Variants in CRACD observed in about 807,000 individuals in gnomAD.
CRACD encodes capping protein inhibiting regulator of actin dynamics.
Under a neutral mutation model 106.8 loss-of-function variants are expected in CRACD, and 56 were observed. The observed-to-expected ratio is 0.52, with a 90% CI of 0.42 to 0.66. The LOEUF (loss-of-function observed/expected upper bound fraction) is 0.66. CRACD is among the 30% of genes least tolerant of loss of function. CRACD has a pLI of 0.00. For missense variants in CRACD, 1,730 were observed against 1,623.2 expected, an observed-to-expected ratio of 1.07 and a Z score of -1.13; for synonymous variants, 754 against 670.8, an observed-to-expected ratio of 1.12 and a Z score of -1.92.
In CRACD at chr4:56,313,191, C is replaced by T. The variant is rs1745267549; in HGVS notation, c.355-6C>T. On this transcript the variant is annotated splice_polypyrimidine_tract_variant and splice_region_variant and intron_variant, in intron 6 of 10. Transcript: ENST00000682029. ...AACTGACTTTCTATTTTAATCTCCC[C>T]TACAGGTTGCTCCCGTTAAACCGTC... The T allele has an allele frequency of 6.2e-7, 1 of 1,613,378 alleles. No individual in the cohort carries two copies. The highest frequency in any genetic ancestry group is 1.1e-5 in the South Asian group (1 of 91,030).
chr4:56,194,826 A>G (rs1397092410), intron 2 of CRACD, among the ~76,000 whole-genome samples: 1 of 152,218 alleles, frequency 6.6e-6, no homozygotes, highest in African/African-American at 2.4e-5. Context: ...CCAAATGGAC[A>G]GGGACACCTG....
chr4:56,291,754 T>C (rs781611585), intron 3 of CRACD, among the ~76,000 whole-genome samples: 11 of 152,234 alleles, frequency 7.2e-5, no homozygotes, highest in African/African-American at 2.7e-4. Context: ...AAGGAGATAA[T>C]TGGTGCCATG....
chr4:56,307,433 C>A, intron 4 of CRACD, 102 bp from the exon 5 acceptor site: 1 of 1,087,370 alleles, frequency 9.2e-7, no homozygotes, highest in Non-Finnish European at 1.3e-6. Flanking sequence ...CAGTTGTGCA[C>A]AAGGTATGCC....
chr4:56,153,655 A>G (rs1735665378), intron 1 of CRACD, among the ~76,000 whole-genome samples: 1 of 152,184 alleles, frequency 6.6e-6, no homozygotes, highest in African/African-American at 2.4e-5. Context: ...AATGCCTTGT[A>G]ATTCCTCTCA....
rs570866717 is a variant in CRACD at position 56,207,017 on chromosome 4, C to T, written c.-189+27587C>T. ...TATGACTGTCTGGAGGATAATACCA[C>T]GAGTTTGGAGTATGCTTCTTAGCCA... is the stretch of plus-strand genomic sequence containing the variant. On this transcript the variant is annotated intron_variant, in intron 2 of 10. Transcript: ENST00000682029. Among the ~76,000 whole-genome samples, 7 of 152,288 alleles carry T rather than the reference C, an allele frequency of 4.6e-5. No individual in the cohort carries two copies. The South Asian group carries it at 6.2e-4, about 14-fold the overall frequency.
At chr4:56,125,179 C>A (rs1734617540) in intron 1 of CRACD, among the ~76,000 whole-genome samples, 1 of 152,086 alleles carries the variant, frequency 6.6e-6, no homozygotes, top group South Asian at 2.1e-4. Flanking sequence ...TCACTTTCAC[C>A]CAGTGACTTT....
At chr4:56,129,677 G>A (rs73817363) in intron 1 of CRACD, among the ~76,000 whole-genome samples, 5 of 152,178 alleles carry the variant, frequency 3.3e-5, no homozygotes, top group African/African-American at 9.7e-5. Flanking sequence ...CTGACCATGC[G>A]TCAGGCACTG....
intron 1 of CRACD, among the ~76,000 whole-genome samples, chr4:56,134,158 CACCACTGT>C (rs1174657121): frequency 1.3e-5 from 2 of 151,814 alleles, no homozygotes; most frequent in East Asian, 3.9e-4. Context: ...CCGAGATTCC[CACCACTGT>C]ACTCTAGCCT....
At position 56,316,797 on chromosome 4, in the gene CRACD, A is replaced by G; in HGVS notation, c.3187+108A>G. Reference sequence around the variant, plus strand: ...TGAGAATAATTTACCAACAATACAGATTTGAAAAAGGAAAGTTTTATTAGA... The same window carrying G: ...TGAGAATAATTTACCAACAATACAGGTTTGAAAAAGGAAAGTTTTATTAGA... On this transcript the variant is annotated intron_variant, in intron 8 of 10. Transcript: ENST00000682029. 3.7e-6 allele frequency: 5 copies of G among 1,356,990 alleles called. No homozygotes were observed. The South Asian group carries it at 7.5e-5, about 20-fold the overall frequency. The allele number at this position is 1,356,990 out of a possible 1,614,324, so 84.1% of individuals were successfully genotyped here.
intron 1 of CRACD, among the ~76,000 whole-genome samples, chr4:56,050,673 A>T (rs551533581): frequency 1.3e-5 from 2 of 152,316 alleles, no homozygotes; most frequent in Non-Finnish European, 2.9e-5. Flanking sequence ...ATGAAAAAAA[A>T]TTTCAAAGGC....
At position 56,075,037 on chromosome 4, in the gene CRACD, G is replaced by A. The variant is rs545559147; in HGVS notation, c.-336+25738G>A. ...TGCTTTGCATCCCAGGGATGAAGCC[G>A]ACTTGATCGTGGTGGATAAGCTTTT... On this transcript the variant is annotated intron_variant, in intron 1 of 10. Coordinates refer to ENST00000682029, the MANE Select transcript of CRACD (RefSeq NM_001393381.1). Among the ~76,000 whole-genome samples the A allele has an allele frequency of 5.3e-5, 8 of 152,208 alleles. No homozygotes were observed. In the South Asian group the frequency reaches 1.5e-3, roughly 28 times the overall value.
intron 1 of CRACD, among the ~76,000 whole-genome samples, chr4:56,139,778 T>G (rs2109875767): frequency 6.6e-6 from 1 of 152,274 alleles, no homozygotes; most frequent in South Asian, 2.1e-4. Flanking sequence ...AAAAATGCCT[T>G]TTTTGCATTT....
At chr4:56,107,879 C>T (rs1314169834) in intron 1 of CRACD, among the ~76,000 whole-genome samples, 1 of 152,202 alleles carries the variant, frequency 6.6e-6, no homozygotes, top group Non-Finnish European at 1.5e-5. Context: ...GGGATTCACA[C>T]ATTAGGCCAT....
At chr4:56,146,453 T>C (rs1735383027) in intron 1 of CRACD, among the ~76,000 whole-genome samples, 3 of 151,828 alleles carry the variant, frequency 2.0e-5, no homozygotes, top group Admixed American at 2.0e-4. Context: ...AGTTTTAGGG[T>C]ACATGTGCAC....
At chr4:56,214,054 T>C (rs1352998186) in intron 2 of CRACD, among the ~76,000 whole-genome samples, 1 of 152,182 alleles carries the variant, frequency 6.6e-6, no homozygotes, top group Admixed American at 6.5e-5. Flanking sequence ...TCTTAGTCCA[T>C]TCAGCTGTTT....
In CRACD at chr4:56,308,457, G is replaced by A. The variant is rs541188586; in HGVS notation, c.285+758G>A. Among the ~76,000 whole-genome samples the A allele has an allele frequency of 6.7e-5, 10 of 148,380 alleles. No individual in the cohort carries two copies. In the South Asian group the frequency reaches 2.2e-3, roughly 33 times the overall value. On this transcript the variant is annotated intron_variant, in intron 5 of 10. Coordinates refer to ENST00000682029, the MANE Select transcript of CRACD (RefSeq NM_001393381.1). ...CAGGAATTCTCTAGGTGAGGCACTGGGGTTTCACTTTAAAAAAAAAAATGA... is the reference window on the plus strand; with the variant it reads ...CAGGAATTCTCTAGGTGAGGCACTGAGGTTTCACTTTAAAAAAAAAAATGA...
At chr4:56,230,267 A>G (rs970184457) in intron 2 of CRACD, among the ~76,000 whole-genome samples, 1 of 152,150 alleles carries the variant, frequency 6.6e-6, no homozygotes, top group African/African-American at 2.4e-5. Flanking sequence ...CAGGTTAGGT[A>G]TGGTGACTGA....
At chr4:56,136,017 T>C (rs951697785) in intron 1 of CRACD, among the ~76,000 whole-genome samples, 1 of 152,128 alleles carries the variant, frequency 6.6e-6, no homozygotes, top group Non-Finnish European at 1.5e-5. Context: ...TTATACAGTA[T>C]GTACTCTTTT....
intron 1 of CRACD, among the ~76,000 whole-genome samples, chr4:56,070,906 C>CCTTT (rs1173858424): frequency 1.0e-5 from 1 of 98,162 alleles, no homozygotes; most frequent in Non-Finnish European, 2.3e-5. Context: ...GGCAGGTATA[C>CCTTT]CTTTTTAGGT....
Sources: allele counts gnomAD v4.1 joint callset (sites outside exome capture counted in the v4.1 genomes callset), GRCh38; gene constraint gnomAD v4.1.1; transcripts MANE v1.5; gene names NCBI Gene and HGNC (gene_info 2026-07-23, HGNC 2026-07-21).